FBXL4: variants seen among roughly 807,000 people sequenced by gnomAD.
The protein encoded by FBXL4 is F-box/LRR-repeat protein 4.
Under a neutral mutation model 58.9 loss-of-function variants are expected in FBXL4, and 40 were observed. That is an observed-to-expected ratio of 0.68 (90% CI 0.53 to 0.88). The LOEUF is 0.88. Among genes scored for constraint, FBXL4 ranks in the 40% least tolerant of loss-of-function variants. The pLI is 0.00. For missense variants in FBXL4, 676 were observed against 734.4 expected, an observed-to-expected ratio of 0.92 and a Z score of 0.92; for synonymous variants, 263 against 265.5, an observed-to-expected ratio of 0.99 and a Z score of 0.09.
intron 2 of FBXL4, among the ~76,000 whole-genome samples, chr6:98,931,481 T>C (rs1247890354): frequency 6.6e-6 from 1 of 152,160 alleles, no homozygotes; most frequent in Non-Finnish European, 1.5e-5. Context: ...TGGATAAAAA[T>C]AATATTTAAT....
chr6:98,916,998 C>A (rs1289109373), intron 5 of FBXL4, among the ~76,000 whole-genome samples: 2 of 151,964 alleles, frequency 1.3e-5, no homozygotes, highest in African/African-American at 2.4e-5. Flanking sequence ...TATTAATATT[C>A]TTATTTTTAA....
rs1381776122 is a variant in FBXL4, at chr6:98,874,517, C to A, written c.1703-76G>T. The A allele has an allele frequency of 2.1e-6, 3 of 1,428,518 alleles. No individual in the cohort carries two copies. In the East Asian group the frequency reaches 7.5e-5, roughly 36 times the overall value. The allele number at this position is 1,428,518 out of a possible 1,614,324, so 88.5% of individuals were successfully genotyped here. Reference sequence around the variant, plus strand: ...TTTATATAATGTGCTAACAATGAATCCATCCATGATTTATTGTTTGTAATG... The same window carrying A: ...TTTATATAATGTGCTAACAATGAATACATCCATGATTTATTGTTTGTAATG... On this transcript the variant is annotated intron_variant, in intron 9 of 9. Coordinates refer to ENST00000369244, the MANE Select transcript of FBXL4 (RefSeq NM_001278716.2).
At chr6:98,926,191 G>A (rs1167161947) in intron 4 of FBXL4, among the ~76,000 whole-genome samples, 1 of 152,062 alleles carries the variant, frequency 6.6e-6, no homozygotes, top group Non-Finnish European at 1.5e-5. Context: ...TCCCAGAATG[G>A]CCCATGTCCC....
chr6:98,903,240 T>C (rs1771677603), intron 6 of FBXL4, among the ~76,000 whole-genome samples: 1 of 152,154 alleles, frequency 6.6e-6, no homozygotes. Context: ...ATTTATTGTT[T>C]ATTCTGGGAA....
intron 1 of FBXL4, among the ~76,000 whole-genome samples, chr6:98,943,579 C>CAAAAAAAAAAA (rs59697294): frequency 2.6e-5 from 2 of 76,696 alleles, no homozygotes; most frequent in Non-Finnish European, 2.3e-5. Context: ...GACTCTGTCT[C>CAAAAAAAAAAA]AAAAAAAAAA....
At chr6:98,894,357 G>C (rs1347497398) in intron 7 of FBXL4, among the ~76,000 whole-genome samples, 1 of 152,112 alleles carries the variant, frequency 6.6e-6, no homozygotes, top group South Asian at 2.1e-4. Context: ...GATGGTAGAA[G>C]AAACTAAGCA....
chr6:98,912,428 A>C (rs1160652582), intron 5 of FBXL4, among the ~76,000 whole-genome samples: 1 of 152,152 alleles, frequency 6.6e-6, no homozygotes, highest in Non-Finnish European at 1.5e-5. Context: ...GCCAGAGAGA[A>C]AGGTCGGGTT....
At chr6:98,929,533 T>G (rs1273197687) in intron 2 of FBXL4, among the ~76,000 whole-genome samples, 6 of 147,320 alleles carry the variant, frequency 4.1e-5, no homozygotes, top group Non-Finnish European at 8.9e-5. Flanking sequence ...ATCATGCCAT[T>G]GCACTCCAGC....
At position 98,909,564 on chromosome 6, in the gene FBXL4, A is replaced by G. The variant is rs111517150; in HGVS notation, c.859-3894T>C. Among the ~76,000 whole-genome samples the G allele has an allele frequency of 1.6e-3, 250 of 152,216 alleles. 2 individuals carry two copies. The highest frequency in any genetic ancestry group is 5.5e-3 in the African/African-American group (229 of 41,520). The stretch of plus-strand genomic sequence containing the variant: ...ATCAGGTCTGGATAAAATTCAATAA[A>G]CTGTTTAAAATGTATTTGCTGAAAT... On this transcript the variant is annotated intron_variant, in intron 5 of 9. Transcript: ENST00000369244.
chr6:98,886,065 T>G (rs919333955), intron 7 of FBXL4, among the ~76,000 whole-genome samples: 1 of 152,174 alleles, frequency 6.6e-6, no homozygotes, highest in Admixed American at 6.5e-5. Flanking sequence ...ACAACCTGGC[T>G]GCAACCTCCT....
In FBXL4 at chr6:98,873,496, A is replaced by C. The variant is rs1453679820; in HGVS notation, c.*782T>G. 1 of 151,912 alleles carries C rather than the reference A, an allele frequency of 6.6e-6. No individual in the cohort carries two copies. Among genetic ancestry groups the C allele is most frequent in the East Asian group, 1.9e-4 (1 of 5,198 alleles). The allele number at this position is 151,912 out of a possible 1,614,324, so 9.4% of individuals were successfully genotyped here. A position where few individuals can be genotyped will look rare whatever the true frequency, so the allele number is the denominator to read the frequency against. On this transcript the variant is annotated 3_prime_UTR_variant, in exon 10 of 10. Coordinates refer to ENST00000369244, the MANE Select transcript of FBXL4 (RefSeq NM_001278716.2). ...TTTTTTATTTAGTAGTTTACCTCTT[A>C]TTCTTGATTATACCCAAATTTTTAT...
chr6:98,938,687 T>C (rs1212336877), intron 1 of FBXL4, among the ~76,000 whole-genome samples: 1 of 152,188 alleles, frequency 6.6e-6, no homozygotes, highest in Admixed American at 6.5e-5. Flanking sequence ...AGTTAGTCTA[T>C]CCCTTCCTGC....
chr6:98,880,445 G>T, intron 8 of FBXL4, 108 bp downstream of exon 8: 1 of 843,172 alleles, frequency 1.2e-6, no homozygotes, highest in African/African-American at 1.7e-5. Context: ...CCATAAATCT[G>T]AAAAACTGTG....
chr6:98,918,126 T>C (rs1772440973), intron 4 of FBXL4, among the ~76,000 whole-genome samples: 1 of 152,180 alleles, frequency 6.6e-6, no homozygotes, highest in South Asian at 2.1e-4. Flanking sequence ...GTCTCCTGCT[T>C]CAGCTTTTCC....
At chr6:98,945,226 C>A (rs1409837483) in intron 1 of FBXL4, among the ~76,000 whole-genome samples, 2 of 152,122 alleles carry the variant, frequency 1.3e-5, no homozygotes, top group African/African-American at 4.8e-5. Flanking sequence ...CCTTGCAGTT[C>A]TGTTTGTAAT....
chr6:98,895,042 T>C (rs1771365153), intron 7 of FBXL4, among the ~76,000 whole-genome samples: 1 of 152,182 alleles, frequency 6.6e-6, no homozygotes, highest in South Asian at 2.1e-4. Flanking sequence ...TGCCTGGCTA[T>C]GGCTAACGAC....
intron 8 of FBXL4, among the ~76,000 whole-genome samples, chr6:98,876,455 G>A (rs1209362369): frequency 1.3e-5 from 2 of 152,146 alleles, no homozygotes; most frequent in Non-Finnish European, 2.9e-5. Context: ...ATTATCACAA[G>A]GAAAATTATC....
At chr6:98,883,129 T>C (rs1770910917) in intron 7 of FBXL4, among the ~76,000 whole-genome samples, 1 of 152,078 alleles carries the variant, frequency 6.6e-6, no homozygotes, top group Non-Finnish European at 1.5e-5. Flanking sequence ...AATATCTGCC[T>C]GTCTCATGAG....
Position 98,917,975 on chromosome 6 carries a change from C to T in FBXL4, c.513-256G>A, listed in dbSNP as rs558451019. On this transcript the variant is annotated intron_variant, in intron 4 of 9. Transcript: ENST00000369244. ...ACATTGATCAGTTTAAAAACTGGAA[C>T]ATGTAGTTAGAGGTATCTGAACAAC... Among the ~76,000 whole-genome samples the T allele has an allele frequency of 2.0e-5, 3 of 152,246 alleles. No individual in the cohort carries two copies. The East Asian group carries it at 5.8e-4, about 29-fold the overall frequency.
Sources: allele counts gnomAD v4.1 joint callset (sites outside exome capture counted in the v4.1 genomes callset), GRCh38; gene constraint gnomAD v4.1.1; transcripts MANE v1.5; gene names NCBI Gene and HGNC (gene_info 2026-07-23, HGNC 2026-07-21).